The following RB1 variants were observed in gnomAD, a reference collection of about 807,000 sequenced individuals.
RB1 encodes the protein RB transcriptional corepressor 1.
A neutral mutation model predicts 135.4 loss-of-function variants in RB1; 18 were observed. The ratio of observed to expected loss-of-function variants is 0.13; its 90% CI spans 0.09 to 0.20. The LOEUF (loss-of-function observed/expected upper bound fraction) is 0.20, where lower values mean the gene tolerates loss of function less well. Ranked by LOEUF, RB1 falls within the 10% of genes least tolerant of loss-of-function variation. The pLI, the probability that RB1 is intolerant of heterozygous loss-of-function variation, is 1.00. For synonymous variants in RB1, 365 were observed against 373.2 expected (o/e 0.98, Z 0.25); for missense variants, 868 against 1,110.0 (o/e 0.78, Z 3.10).
At chr13:48,325,613 A>G (rs1188752004) in intron 2 of RB1, among the ~76,000 whole-genome samples, 1 of 152,178 alleles carries the variant, frequency 6.6e-6, no homozygotes, top group Admixed American at 6.5e-5. Flanking sequence ...GCATTATTCT[A>G]CACCTTGCTT....
chr13:48,403,352 A>G (rs947746760), intron 17 of RB1, among the ~76,000 whole-genome samples: 1 of 152,208 alleles, frequency 6.6e-6, no homozygotes, highest in Non-Finnish European at 1.5e-5. Flanking sequence ...AAAAAGACAC[A>G]TATCACAGGG....
At chr13:48,463,946 C>A (rs562098796) in intron 21 of RB1, 111 bp downstream of exon 21, 5 of 655,420 alleles carry the variant, frequency 7.6e-6, no homozygotes, top group Non-Finnish European at 1.3e-5. Flanking sequence ...TTCTGTCTGA[C>A]CTTATTATGT....
At chr13:48,358,729 CAG>C (rs762185345) in intron 6 of RB1, among the ~76,000 whole-genome samples, 6 of 152,056 alleles carry the variant, frequency 3.9e-5, no homozygotes, top group Non-Finnish European at 8.8e-5. Flanking sequence ...CCCTCCAAGT[CAG>C]AGAGGCAAAA....
chr13:48,419,957 G>A (rs1948980043), intron 17 of RB1, among the ~76,000 whole-genome samples: 1 of 152,118 alleles, frequency 6.6e-6, no homozygotes, highest in Non-Finnish European at 1.5e-5. Flanking sequence ...TCTGCCAGAG[G>A]TACAAGGAGG....
intron 17 of RB1, among the ~76,000 whole-genome samples, chr13:48,388,950 A>C (rs1354380653): frequency 1.3e-5 from 2 of 152,046 alleles, no homozygotes; most frequent in African/African-American, 2.4e-5. Flanking sequence ...ACTTGAGGCC[A>C]GGAGTTCGAG....
rs189478056 is a variant in RB1, at chr13:48,439,092, C to T, written c.1696-13901C>T. Among the ~76,000 whole-genome samples, 7 of 152,226 alleles carry T rather than the reference C, an allele frequency of 4.6e-5. No individual in the cohort carries two copies. The East Asian group carries it at 1.3e-3, about 29-fold the overall frequency. On this transcript the variant is annotated intron_variant, in intron 17 of 26. Coordinates refer to ENST00000267163, the MANE Select transcript of RB1 (RefSeq NM_000321.3). ...GTGAAAGAGGCAGTAAGCAAAGGAA[C>T]GTGACTCCCATACTAGTATAGCAGC...
intron 2 of RB1, among the ~76,000 whole-genome samples, chr13:48,331,241 A>C (rs1952333969): frequency 1.3e-5 from 2 of 152,232 alleles, no homozygotes; most frequent in African/African-American, 4.8e-5. Context: ...ATCATTTGTC[A>C]CTTGCATTCA....
rs367578442 is a variant in RB1 at position 48,456,250 on chromosome 13, C to A, written c.1861C>A (p.Arg621Ser). Residue 621 changes from arginine (R) to serine (S), a missense_variant, in exon 19 of 27, where the codon CGT (arginine) becomes AGT (serine). Transcript: ENST00000267163. ...TCCAAAGAAAAAAGGTTCAACTACGCGTGTAAATTCTACTGCAAATGCAGA... is the reference window on the plus strand; with the variant it reads ...TCCAAAGAAAAAAGGTTCAACTACGAGTGTAAATTCTACTGCAAATGCAGA... ...RSPKKKGSTT[R>S]VNSTANAETQ... 5.5e-5 allele frequency: 88 copies of A among 1,614,138 alleles called. No homozygotes were observed. In the East Asian group the frequency reaches 1.4e-3, roughly 25 times the overall value.
chr13:48,320,190 A>T, intron 2 of RB1: 1 of 934,710 alleles, frequency 1.1e-6, no homozygotes, highest in Non-Finnish European at 1.6e-6. Context: ...CAACAAGACC[A>T]CAGGCAGGCA....
intron 17 of RB1, among the ~76,000 whole-genome samples, chr13:48,399,237 T>C (rs909227041): frequency 1.3e-5 from 2 of 152,022 alleles, no homozygotes; most frequent in Non-Finnish European, 2.9e-5. Flanking sequence ...TGTTTTACTC[T>C]TTCTCTGTTT....
In RB1 at chr13:48,459,760, A is replaced by G. The variant is rs201046651; in HGVS notation, c.2033A>G (p.His678Arg). 2 of 1,613,830 alleles carry G rather than the reference A, an allele frequency of 1.2e-6. No individual in the cohort carries two copies. The highest frequency in any genetic ancestry group is 1.1e-5 in the South Asian group (1 of 91,066). The change falls in exon 20 of 27, where the codon CAT becomes CGT. Residue 678 changes from histidine to arginine, a missense_variant. By Grantham distance (29) the His-to-Arg change is conservative (BLOSUM62 0). Transcript: ENST00000267163. Reference sequence around the variant, plus strand: ...CTGTCTGAGCACCCAGAATTAGAACATATCATCTGGACCCTTTTCCAGCAC... The same window carrying G: ...CTGTCTGAGCACCCAGAATTAGAACGTATCATCTGGACCCTTTTCCAGCAC... ...RLLSEHPELE[H>R]IIWTLFQHTL...
intron 2 of RB1, chr13:48,317,451 T>A (rs1415949631): frequency 7.2e-6 from 3 of 415,332 alleles, no homozygotes; most frequent in Non-Finnish European, 1.3e-5. Context: ...CAGAGTCCCT[T>A]TCAGCTTCCT....
Position 48,381,323 on chromosome 13 carries a change from C to T in RB1, c.1575C>T (p.Ala525=), listed in dbSNP as rs2138145198. The change falls in exon 17 of 27, where the codon GCC becomes GCT. Residue 525 remains alanine (A), a synonymous_variant. Transcript: ENST00000267163. The part of the protein sequence containing the change: ...PWILNVLNLK[A]FDFYKVIESF... ...TTCTGAATGTGCTTAATTTAAAAGC[C>T]TTTGATTTTTACAAAGTGATCGAAA... is the stretch of plus-strand genomic sequence containing the variant. 6.2e-7 allele frequency: 1 copy of T among 1,611,570 alleles called. No homozygotes were observed. Among genetic ancestry groups the T allele is most frequent in the Non-Finnish European group, 8.5e-7 (1 of 1,178,998 alleles).
At chr13:48,321,506 T>C (rs1438317305) in intron 2 of RB1, among the ~76,000 whole-genome samples, 2 of 151,844 alleles carry the variant, frequency 1.3e-5, no homozygotes, top group Non-Finnish European at 2.9e-5. Context: ...TCCCTTGTGA[T>C]TGGTGATGTT....
At chr13:48,464,644 G>C (rs566521491) in intron 21 of RB1, among the ~76,000 whole-genome samples, 2 of 152,150 alleles carry the variant, frequency 1.3e-5, no homozygotes, top group Non-Finnish European at 2.9e-5. Context: ...CTTTCGCTCA[G>C]CTCTGGCCCT....
intron 17 of RB1, among the ~76,000 whole-genome samples, chr13:48,432,886 C>G (rs867824231): frequency 3.3e-5 from 5 of 152,122 alleles, no homozygotes; most frequent in African/African-American, 1.2e-4. Flanking sequence ...CCCTACAACT[C>G]TAATAAATCT....
At chr13:48,454,150 G>A (rs1949345968) in intron 18 of RB1, among the ~76,000 whole-genome samples, 1 of 152,180 alleles carries the variant, frequency 6.6e-6, no homozygotes, top group Non-Finnish European at 1.5e-5. Flanking sequence ...ATAGGAATTA[G>A]AGAAATAAGA....
chr13:48,450,884 G>T (rs28818477), intron 17 of RB1, among the ~76,000 whole-genome samples: 1 of 152,054 alleles, frequency 6.6e-6, no homozygotes, highest in Non-Finnish European at 1.5e-5. Flanking sequence ...TTGTTGAAGA[G>T]GCCCGTCACT....
intron 17 of RB1, among the ~76,000 whole-genome samples, chr13:48,387,104 A>G (rs557847509): frequency 1.3e-5 from 2 of 152,300 alleles, no homozygotes; most frequent in Admixed American, 6.5e-5. Context: ...TTTTCTTTGT[A>G]TACTTCAACC....
Sources: allele counts gnomAD v4.1 joint callset (sites outside exome capture counted in the v4.1 genomes callset), GRCh38; gene constraint gnomAD v4.1.1; transcripts MANE v1.5; gene names NCBI Gene and HGNC (gene_info 2026-07-23, HGNC 2026-07-21).